The following BAG4 variants were observed in gnomAD, a reference collection of about 807,000 sequenced individuals.
BAG4 encodes the protein BAG family molecular chaperone regulator 4.
Under a neutral mutation model 52.1 loss-of-function variants are expected in BAG4, and 28 were observed. The ratio of observed to expected loss-of-function variants is 0.54; its 90% confidence interval spans 0.40 to 0.74. BAG4 has a LOEUF of 0.74. BAG4 is among the 30% of genes least tolerant of loss of function. The probability of loss-of-function intolerance (pLI) is 0.00; values close to 1 mark genes in which losing one functional copy is unlikely to be tolerated. For missense variants in BAG4, 525 were observed against 572.0 expected (o/e 0.92, Z 0.84); for synonymous variants, 208 against 217.0 (o/e 0.96, Z 0.37).
At chr8:38,196,521 C>T (rs149804159) in intron 2 of BAG4, among the ~76,000 whole-genome samples, 2,038 of 152,020 alleles carry the variant, frequency 0.013, 42 homozygotes, top group African/African-American at 0.047. Flanking sequence ...GGCGTGGTGG[C>T]GGGCACCTGT....
Position 38,212,456 on chromosome 8 carries a change from A to G in BAG4, c.*1963A>G, listed in dbSNP as rs184563970. The G allele has an allele frequency of 1.3e-5, 2 of 152,314 alleles. No homozygotes were observed. The highest frequency in any genetic ancestry group is 2.9e-5 in the Non-Finnish European group (2 of 68,022). 9.4% of individuals were successfully genotyped at this position (152,314 alleles called of 1,614,324 possible). Reference sequence around the variant, plus strand: ...TATACTCTGCACCCACCTTGCCCTTATGTTAACATCTTACGTAACAATAGA... The same window carrying G: ...TATACTCTGCACCCACCTTGCCCTTGTGTTAACATCTTACGTAACAATAGA... On this transcript the variant is annotated 3_prime_UTR_variant, in exon 5 of 5. Transcript: ENST00000287322.
intron 1 of BAG4, 128 bp downstream of exon 1, chr8:38,177,267 C>T (rs1476574072): frequency 2.3e-6 from 3 of 1,288,782 alleles, no homozygotes; most frequent in Non-Finnish European, 2.1e-6. Flanking sequence ...GTTGGAGAGA[C>T]CGAGACTAAG....
At chr8:38,183,328 T>TGC (rs1183303372) in intron 1 of BAG4, among the ~76,000 whole-genome samples, 1 of 152,194 alleles carries the variant, frequency 6.6e-6, no homozygotes, top group African/African-American at 2.4e-5. Context: ...ATTACAGGCA[T>TGC]GAGCCACTGT....
intron 1 of BAG4, among the ~76,000 whole-genome samples, chr8:38,186,740 T>A (rs2130667018): frequency 6.6e-6 from 1 of 152,230 alleles, no homozygotes; most frequent in Non-Finnish European, 1.5e-5. Context: ...AGTAGAGCAA[T>A]CAGCTGGAAA....
In BAG4 at chr8:38,176,932, C is replaced by T; in HGVS notation, c.63C>T (p.Tyr21=). ...ACGGTCCGTCCTACGGCCGCTACTACGGGCCTGGGGGTGGAGATGTGCCGG... is the reference window on the plus strand; with the variant it reads ...ACGGTCCGTCCTACGGCCGCTACTATGGGCCTGGGGGTGGAGATGTGCCGG... ...PSDGPSYGRY[Y]GPGGGDVPVH... The change falls in exon 1 of 5, where the codon TAC becomes TAT. Residue 21 remains tyrosine, a synonymous_variant. Transcript: ENST00000287322. 1 of 1,552,608 alleles carries T rather than the reference C, an allele frequency of 6.4e-7. No individual in the cohort carries two copies. The highest frequency in any genetic ancestry group is 8.7e-7 in the Non-Finnish European group (1 of 1,148,368).
chr8:38,195,935 A>G (rs541280681), intron 2 of BAG4, among the ~76,000 whole-genome samples: 13 of 152,312 alleles, frequency 8.5e-5, no homozygotes, highest in African/African-American at 3.1e-4. Flanking sequence ...GCTCTTGGCA[A>G]CCTGTAATCT....
Position 38,210,149 on chromosome 8 carries a change from G to C in BAG4, c.1030G>C (p.Glu344Gln), listed in dbSNP as rs548360176. 3.0e-5 allele frequency: 48 copies of C among 1,614,102 alleles called. No individual in the cohort carries two copies. In the South Asian group the frequency reaches 5.2e-4, roughly 17 times the overall value. Residue 344 changes from glutamate (E) to glutamine (Q), a missense_variant, in exon 5 of 5, where the codon GAG becomes CAG. Glu to Gln is a conservative substitution (Grantham distance 29). Coordinates refer to ENST00000287322, the MANE Select transcript of BAG4 (RefSeq NM_004874.4). ...LLDSQVQYSA[E>Q]PQLYGNATSD... ...GGATTCCCAAGTCCAGTATAGTGCT[G>C]AGCCTCAGCTGTATGGTAATGCCAC...
At chr8:38,187,243 A>G (rs1475400730) in intron 1 of BAG4, among the ~76,000 whole-genome samples, 1 of 152,232 alleles carries the variant, frequency 6.6e-6, no homozygotes, top group African/African-American at 2.4e-5. Context: ...GGGAATATCA[A>G]TAAAGAGATA....
intron 1 of BAG4, among the ~76,000 whole-genome samples, chr8:38,179,747 CAA>C (rs767349522): frequency 6.6e-6 from 1 of 150,706 alleles, no homozygotes; most frequent in Non-Finnish European, 1.5e-5. Flanking sequence ...GCCTGGGAGA[CAA>C]GAGCGAAACT....
In BAG4 at chr8:38,192,757, C is replaced by G; in HGVS notation, c.340C>G (p.Pro114Ala). Reference protein sequence around the residue: ...NSTARSRAPYPSTYPVRPELQ... With the variant: ...NSTARSRAPYASTYPVRPELQ... Reference sequence around the variant, plus strand: ...TACTGCGAGATCTAGGGCTCCTTACCCAAGTACATATCCTGTAAGACCAGA... The same window carrying G: ...TACTGCGAGATCTAGGGCTCCTTACGCAAGTACATATCCTGTAAGACCAGA... Residue 114 changes from proline to alanine, a missense_variant, in exon 2 of 5, where the codon CCA becomes GCA. This residue lies in a region of BAG4 where 287 missense variants were observed against 266.1 expected (regional missense o/e 1.08). Coordinates refer to ENST00000287322, the MANE Select transcript of BAG4 (RefSeq NM_004874.4). 1 of 1,613,076 alleles carries G rather than the reference C, an allele frequency of 6.2e-7. No individual in the cohort carries two copies. Among genetic ancestry groups the G allele is most frequent in the Non-Finnish European group, 8.5e-7 (1 of 1,179,564 alleles).
chr8:38,202,262 C>T (rs1214830369), intron 2 of BAG4: 5 of 151,874 alleles, frequency 3.3e-5, no homozygotes, highest in Non-Finnish European at 4.4e-5. Context: ...CTTCTTTTTC[C>T]TTTTCTTTTC....
At chr8:38,202,684 G>T (rs1205309767) in intron 2 of BAG4, among the ~76,000 whole-genome samples, 1 of 151,584 alleles carries the variant, frequency 6.6e-6, no homozygotes, top group African/African-American at 2.4e-5. Flanking sequence ...TGGGACCTTA[G>T]GCATACGCCA....
chr8:38,191,593 T>C (rs1258235201), intron 1 of BAG4, among the ~76,000 whole-genome samples: 1 of 152,050 alleles, frequency 6.6e-6, no homozygotes, highest in Non-Finnish European at 1.5e-5. Flanking sequence ...ACCCGGTCTC[T>C]ACTAAAAGTA....
In BAG4 at chr8:38,177,026, C is replaced by T; in HGVS notation, c.157C>T (p.Arg53Cys). 1.9e-6 allele frequency: 3 copies of T among 1,603,182 alleles called. No homozygotes were observed. Among genetic ancestry groups the T allele is most frequent in the East Asian group, 4.5e-5 (2 of 44,530 alleles). ...CCAGCCTCCCATTTCCTGGCGGGTG[C>T]GCGGGGGCGGCCCGGCGGAGACCAC... Reference protein sequence around the residue: ...PPQPPISWRVRGGGPAETTWL... With the variant: ...PPQPPISWRVCGGGPAETTWL... Residue 53 changes from arginine to cysteine, a missense_variant, in exon 1 of 5, where the codon CGC becomes TGC. Physicochemically the swap from Arg to Cys is radical, Grantham distance 180. Transcript: ENST00000287322.
chr8:38,192,655 T>C, intron 1 of BAG4, 33 bp from the exon 2 acceptor site: 1 of 1,504,486 alleles, frequency 6.6e-7, no homozygotes, highest in Non-Finnish European at 9.2e-7. Context: ...ATGAATGTTA[T>C]TAAGAGTGAA....
intron 1 of BAG4, among the ~76,000 whole-genome samples, chr8:38,187,565 A>G (rs1272976767): frequency 6.6e-6 from 1 of 151,756 alleles, no homozygotes; most frequent in Non-Finnish European, 1.5e-5. Context: ...TAAAGTAATA[A>G]GTATAACAAT....
intron 2 of BAG4, among the ~76,000 whole-genome samples, chr8:38,205,202 ATTTTTTTTTTTT>A (rs35284937): frequency 2.1e-4 from 17 of 79,316 alleles, no homozygotes; most frequent in East Asian, 4.5e-4. Context: ...CAGCTAATTA[ATTTTTTTTTTTT>A]TTTTTTTTTT....
chr8:38,201,865 TATATATATATATA>T (rs1563284091), intron 2 of BAG4: 34 of 9,138 alleles, frequency 3.7e-3, no homozygotes, highest in African/African-American at 7.8e-3. Flanking sequence ...TATATATATA[TATATATATATATA>T]TATTTTTTTT....
At chr8:38,183,036 CTT>C (rs539995423) in intron 1 of BAG4, among the ~76,000 whole-genome samples, 4 of 100,110 alleles carry the variant, frequency 4.0e-5, no homozygotes, top group East Asian at 2.9e-4. Flanking sequence ...ACTGACCCAT[CTT>C]TTTTTTTTTT....
Sources: gnomAD v4.1 joint callset for allele counts (sites outside exome capture counted in the v4.1 genomes callset) on GRCh38, gnomAD v4.1.1 for gene constraint, gnomAD v4.1.1 regional missense constraint, MANE v1.5 for transcripts, NCBI Gene and HGNC (gene_info 2026-07-23, HGNC 2026-07-21) for gene names.